The following CBFA2T2 variants were observed in gnomAD, a reference collection of about 807,000 sequenced individuals.
CBFA2T2 encodes protein CBFA2T2.
CBFA2T2 carries 11 observed loss-of-function variants against 62.2 expected under a neutral mutation model. That is an observed-to-expected ratio of 0.18 (90% CI 0.11 to 0.29). The LOEUF is 0.29. CBFA2T2 is among the 10% of genes least tolerant of loss of function. CBFA2T2 has a pLI of 1.00. For synonymous variants in CBFA2T2, 295 were observed against 287.5 expected (o/e 1.03, Z -0.27); for missense variants, 592 against 774.1 (o/e 0.76, Z 2.79).
chr20:33,527,271 G>A (rs1218034376), intron 1 of CBFA2T2, among the ~76,000 whole-genome samples: 2 of 151,708 alleles, frequency 1.3e-5, no homozygotes, highest in Admixed American at 6.6e-5. Flanking sequence ...GTGTAGTCCC[G>A]GCTCACTGCA....
At chr20:33,643,438 T>C (rs2016923793) in intron 10 of CBFA2T2, among the ~76,000 whole-genome samples, 1 of 151,778 alleles carries the variant, frequency 6.6e-6, no homozygotes, top group Non-Finnish European at 1.5e-5. Context: ...CAGCCAGGCA[T>C]GGTGGCACAT....
At chr20:33,504,594 G>A (rs540763739) in intron 1 of CBFA2T2, among the ~76,000 whole-genome samples, 14 of 151,728 alleles carry the variant, frequency 9.2e-5, no homozygotes, top group African/African-American at 3.4e-4. Context: ...AGTAGAGATG[G>A]GGTTTCACCA....
chr20:33,615,940 G>A (rs987594564), intron 3 of CBFA2T2, among the ~76,000 whole-genome samples: 4 of 152,138 alleles, frequency 2.6e-5, no homozygotes, highest in African/African-American at 9.7e-5. Context: ...AGCTGGCATA[G>A]TGGAGTATGC....
chr20:33,641,956 T>C (rs891919014), intron 10 of CBFA2T2, among the ~76,000 whole-genome samples: 1 of 152,062 alleles, frequency 6.6e-6, no homozygotes, highest in African/African-American at 2.4e-5. Context: ...CACATGGCAA[T>C]GTGCAGATGA....
At chr20:33,616,078 GAGAT>G (rs3054967) in intron 3 of CBFA2T2, among the ~76,000 whole-genome samples, 29,098 of 143,104 alleles carry the variant, frequency 0.2, 2,996 homozygotes, top group South Asian at 0.25. Context: ...TCTGTAGATA[GAGAT>G]AGATAGATAG....
At chr20:33,576,009 G>C (rs1321978647) in intron 1 of CBFA2T2, among the ~76,000 whole-genome samples, 1 of 151,570 alleles carries the variant, frequency 6.6e-6, no homozygotes, top group Non-Finnish European at 1.5e-5. Flanking sequence ...GGATGGCCTC[G>C]ATCTCCTGAT....
intron 1 of CBFA2T2, among the ~76,000 whole-genome samples, chr20:33,544,797 A>G (rs931781968): frequency 5.9e-5 from 9 of 152,144 alleles, no homozygotes; most frequent in Non-Finnish European, 1.5e-5. Flanking sequence ...CCCCCGCCTC[A>G]GCCTCCCAAA....
At chr20:33,526,696 G>T (rs1184849466) in intron 1 of CBFA2T2, among the ~76,000 whole-genome samples, 6 of 151,622 alleles carry the variant, frequency 4.0e-5, no homozygotes, top group African/African-American at 1.5e-4. Context: ...GGTTATTGTG[G>T]GTACTCCAAT....
chr20:33,587,691 G>A (rs537624423), intron 1 of CBFA2T2, among the ~76,000 whole-genome samples: 54 of 152,208 alleles, frequency 3.5e-4, no homozygotes, highest in Non-Finnish European at 7.2e-4. Flanking sequence ...GAGCCACTGC[G>A]TCCAGCCCCG....
chr20:33,496,424 A>G (rs2011199805), intron 1 of CBFA2T2, among the ~76,000 whole-genome samples: 1 of 152,222 alleles, frequency 6.6e-6, no homozygotes, highest in South Asian at 2.1e-4. Flanking sequence ...TAGTTATCTA[A>G]GAATATAAGC....
At chr20:33,557,698 G>A (rs150566333) in intron 1 of CBFA2T2, among the ~76,000 whole-genome samples, 1 of 151,988 alleles carries the variant, frequency 6.6e-6, no homozygotes, top group African/African-American at 2.4e-5. Flanking sequence ...GTAGAAATGG[G>A]ATCTTGGTAT....
intron 1 of CBFA2T2, among the ~76,000 whole-genome samples, chr20:33,578,944 T>C (rs187173575): frequency 3.9e-5 from 6 of 152,252 alleles, no homozygotes; most frequent in Admixed American, 2.0e-4. Flanking sequence ...GATGTCTACA[T>C]GTTAAGAAGA....
rs1386955698 is a variant in CBFA2T2 at position 33,646,565 on chromosome 20, T to C, written c.*1919T>C. On this transcript the variant is annotated 3_prime_UTR_variant, in exon 11 of 11. Coordinates refer to ENST00000342704, the MANE Select transcript of CBFA2T2 (RefSeq NM_001032999.3). ...ACAGGTACATCTTACTGTAAGAATT[T>C]CAAGTCCTGGCTGGGCGCAGTGGCT... 1 of 152,078 alleles carries C rather than the reference T, an allele frequency of 6.6e-6. No homozygotes were observed. The highest frequency in any genetic ancestry group is 1.5e-5 in the Non-Finnish European group (1 of 68,030). The allele number at this position is 152,078 out of a possible 1,614,324, so 9.4% of individuals were successfully genotyped here. A position where few individuals can be genotyped will look rare whatever the true frequency, so the allele number is the denominator to read the frequency against.
intron 1 of CBFA2T2, among the ~76,000 whole-genome samples, chr20:33,493,382 G>A (rs1227396264): frequency 6.6e-6 from 1 of 152,140 alleles, no homozygotes; most frequent in African/African-American, 2.4e-5. Context: ...GGCCTTGATT[G>A]AAGTTTTTAA....
chr20:33,598,416 A>G (rs528890312), intron 1 of CBFA2T2, among the ~76,000 whole-genome samples: 1 of 152,272 alleles, frequency 6.6e-6, no homozygotes, highest in South Asian at 2.1e-4. Flanking sequence ...ATGCTGAGAA[A>G]AAGAATTCAG....
chr20:33,647,636 A>T lies in CBFA2T2; in HGVS notation c.*2990A>T, dbSNP rs376197331. ...GCCATAAAACTAGCCAGGGTAGCTCATGCTTTTACTGGTTGGAATAAGGAG... is the reference window on the plus strand; with the variant it reads ...GCCATAAAACTAGCCAGGGTAGCTCTTGCTTTTACTGGTTGGAATAAGGAG... On this transcript the variant is annotated 3_prime_UTR_variant, in exon 11 of 11. Coordinates refer to ENST00000342704, the MANE Select transcript of CBFA2T2 (RefSeq NM_001032999.3). The T allele has an allele frequency of 7.2e-5, 11 of 152,220 alleles. No homozygotes were observed. The highest frequency in any genetic ancestry group is 4.1e-4 in the South Asian group (2 of 4,836). The allele number at this position is 152,220 out of a possible 1,614,324, so 9.4% of individuals were successfully genotyped here.
At chr20:33,521,708 T>C (rs894678264) in intron 1 of CBFA2T2, among the ~76,000 whole-genome samples, 22 of 152,116 alleles carry the variant, frequency 1.4e-4, no homozygotes, top group South Asian at 4.1e-4. Flanking sequence ...TGATTGCTTT[T>C]CCAGCTCTCT....
intron 1 of CBFA2T2, among the ~76,000 whole-genome samples, chr20:33,523,933 C>T (rs1254896830): frequency 1.3e-5 from 2 of 152,154 alleles, no homozygotes; most frequent in Non-Finnish European, 2.9e-5. Context: ...ATCCGCCCGC[C>T]TCGGCCTCCC....
Position 33,559,578 on chromosome 20 carries a change from C to T in CBFA2T2, c.35-47378C>T, listed in dbSNP as rs139106342. ...CTTGGCTCACTGTAACCTCTGCATC[C>T]TGGGTTCAAGCCATTCTCCTGGCTC... On this transcript the variant is annotated intron_variant, in intron 1 of 10. Transcript: ENST00000342704. Among the ~76,000 whole-genome samples, 387 of 152,242 alleles carry T rather than the reference C, an allele frequency of 2.5e-3. 6 individuals are homozygous for T. Among genetic ancestry groups the T allele is most frequent in the African/African-American group, 9.0e-3 (374 of 41,540 alleles).
Sources: allele counts gnomAD v4.1 joint callset (sites outside exome capture counted in the v4.1 genomes callset), GRCh38; gene constraint gnomAD v4.1.1; transcripts MANE v1.5; gene names NCBI Gene and HGNC (gene_info 2026-07-23, HGNC 2026-07-21).